Variants in RBFOX2 observed in about 807,000 individuals in gnomAD.
RBFOX2 encodes the protein RNA binding fox-1 homolog 2.
In RBFOX2, 10 loss-of-function variants were observed where a neutral mutation model predicts 49.1. That is an observed-to-expected ratio of 0.20 (90% CI 0.13 to 0.35). RBFOX2 has a LOEUF of 0.35. RBFOX2 is among the 10% of genes least tolerant of loss of function. The pLI, the probability that RBFOX2 is intolerant of heterozygous loss-of-function variation, is 1.00. For missense variants in RBFOX2, 323 were observed against 486.9 expected (o/e 0.66, Z 3.17); for synonymous variants, 183 against 187.4 (o/e 0.98, Z 0.19).
chr22:35,950,986 C>T (rs1470998667), intron 1 of RBFOX2, among the ~76,000 whole-genome samples: 15 of 144,402 alleles, frequency 1.0e-4, no homozygotes, highest in Admixed American at 4.2e-4. Context: ...TAGAGTCTCA[C>T]TCTGTTGCCC....
intron 1 of RBFOX2, among the ~76,000 whole-genome samples, chr22:36,009,847 T>C (rs1255028453): frequency 6.6e-6 from 1 of 152,216 alleles, no homozygotes. Flanking sequence ...ATTATCTATG[T>C]ACATATCCTC....
At chr22:35,908,500 A>G (rs2049381431) in intron 1 of RBFOX2, among the ~76,000 whole-genome samples, 1 of 152,212 alleles carries the variant, frequency 6.6e-6, no homozygotes, top group South Asian at 2.1e-4. Flanking sequence ...TTTACTGAAT[A>G]TTATAATAAA....
chr22:35,934,258 T>C (rs1022080735), intron 1 of RBFOX2, among the ~76,000 whole-genome samples: 3 of 151,918 alleles, frequency 2.0e-5, no homozygotes, highest in African/African-American at 7.2e-5. Context: ...CATCTATATA[T>C]AAGGATCTTG....
chr22:36,020,463 C>A (rs1275611992), intron 1 of RBFOX2, among the ~76,000 whole-genome samples: 2 of 152,136 alleles, frequency 1.3e-5, no homozygotes, highest in East Asian at 1.9e-4. Context: ...GAACAGGCAA[C>A]CTACAGAATG....
intron 1 of RBFOX2, among the ~76,000 whole-genome samples, chr22:35,946,904 G>A (rs186662895): frequency 3.5e-4 from 54 of 152,216 alleles, no homozygotes; most frequent in African/African-American, 1.2e-3. Flanking sequence ...AGATTATAAC[G>A]AAGCTGGTCA....
At position 35,759,536 on chromosome 22, in the gene RBFOX2, G is replaced by A. The variant is rs1937983547; in HGVS notation, c.887+352C>T. Among the ~76,000 whole-genome samples, 1 of 152,154 alleles carries A rather than the reference G, an allele frequency of 6.6e-6. No homozygotes were observed. The highest frequency in any genetic ancestry group is 1.5e-5 in the Non-Finnish European group (1 of 68,030). On this transcript the variant is annotated intron_variant, in intron 9 of 11. Transcript: ENST00000405409. This position sits in a 1 kb window ranked among gnomAD's most constrained non-coding sequence, Gnocchi z 4.6. Reference sequence around the variant, plus strand: ...ATGCAGGCTTGTACTACAATCTTGAGCTCCTCTTTTGGTTCTCTGCAGTAA... The same window carrying A: ...ATGCAGGCTTGTACTACAATCTTGAACTCCTCTTTTGGTTCTCTGCAGTAA...
intron 1 of RBFOX2, among the ~76,000 whole-genome samples, chr22:35,818,965 CAG>C (rs1371554405): frequency 6.6e-6 from 1 of 152,110 alleles, no homozygotes; most frequent in Non-Finnish European, 1.5e-5. Context: ...CATATAGTAA[CAG>C]AGAAAAATTT....
intron 1 of RBFOX2, among the ~76,000 whole-genome samples, chr22:35,847,827 A>T (rs1011076913): frequency 6.6e-6 from 1 of 152,164 alleles, no homozygotes; most frequent in Non-Finnish European, 1.5e-5. Context: ...TACATTTATC[A>T]GTACTAAATA....
chr22:36,014,975 A>C (rs2058978344), intron 1 of RBFOX2, among the ~76,000 whole-genome samples: 1 of 152,236 alleles, frequency 6.6e-6, no homozygotes, highest in Non-Finnish European at 1.5e-5. Flanking sequence ...ATGCTGCTGC[A>C]AAAAGATCTA....
chr22:35,862,784 C>A (rs1362838144), intron 1 of RBFOX2, among the ~76,000 whole-genome samples: 1 of 152,166 alleles, frequency 6.6e-6, no homozygotes, highest in Non-Finnish European at 1.5e-5. Flanking sequence ...CTCTCTGCCT[C>A]AAGTTCTTCG....
At chr22:35,784,820 G>A (rs771215035) in intron 2 of RBFOX2, among the ~76,000 whole-genome samples, 19 of 152,284 alleles carry the variant, frequency 1.2e-4, no homozygotes, top group Middle Eastern at 3.4e-3. Context: ...CCCGGGGGCC[G>A]CGACCACCGC....
At chr22:35,941,100 ATC>A (rs921690910), upstream of RBFOX2, among the ~76,000 whole-genome samples, 1 of 152,178 alleles carries the variant, frequency 6.6e-6, no homozygotes, top group African/African-American at 2.4e-5. Flanking sequence ...ATCTCATTAA[ATC>A]TGTTATTTAA....
At chr22:35,966,148 T>C (rs1168475449), upstream of RBFOX2, among the ~76,000 whole-genome samples, 1 of 152,228 alleles carries the variant, frequency 6.6e-6, no homozygotes, top group East Asian at 1.9e-4. Flanking sequence ...TTCTTTTGTG[T>C]TGGCTTCTTT....
chr22:35,965,565 CCTT>C (rs1440149645), upstream of RBFOX2, among the ~76,000 whole-genome samples: 2 of 152,106 alleles, frequency 1.3e-5, no homozygotes, highest in Non-Finnish European at 2.9e-5. Flanking sequence ...AAATCTGCTG[CCTT>C]ATTAGGTAGA....
At chr22:35,838,805 T>C (rs549027655) in intron 1 of RBFOX2, among the ~76,000 whole-genome samples, 5 of 152,242 alleles carry the variant, frequency 3.3e-5, no homozygotes, top group Admixed American at 6.5e-5. Context: ...GGAAGGAGTT[T>C]GTTGAAATTT....
chr22:35,888,905 A>C (rs1603439494), intron 1 of RBFOX2, among the ~76,000 whole-genome samples: 1 of 152,278 alleles, frequency 6.6e-6, no homozygotes, highest in South Asian at 2.1e-4. Context: ...CTGTAATCCC[A>C]GCACTCTGGG....
intron 1 of RBFOX2, among the ~76,000 whole-genome samples, chr22:36,020,918 A>G (rs1273202688): frequency 6.6e-6 from 1 of 152,210 alleles, no homozygotes; most frequent in East Asian, 1.9e-4. Context: ...AGGATTATAA[A>G]TCATGCTGCT....
At chr22:35,791,882 G>A (rs1303080533) in intron 2 of RBFOX2, among the ~76,000 whole-genome samples, 3 of 152,158 alleles carry the variant, frequency 2.0e-5, no homozygotes, top group Admixed American at 6.5e-5. Context: ...GTATTATGAA[G>A]TCAACATTTA....
chr22:35,809,741 C>T (rs1307928754), intron 2 of RBFOX2, 39 bp downstream of exon 3: 4 of 1,582,620 alleles, frequency 2.5e-6, no homozygotes, highest in African/African-American at 2.7e-5. Context: ...TATATGATTG[C>T]CATGCATCCT....
Sources: gnomAD v4.1 joint callset for allele counts (sites outside exome capture counted in the v4.1 genomes callset) on GRCh38, gnomAD v4.1.1 for gene constraint, Gnocchi (gnomAD v3.1) non-coding constraint, MANE v1.5 for transcripts, NCBI Gene and HGNC (gene_info 2026-07-23, HGNC 2026-07-21) for gene names.